Variants in RBM6 observed in about 807,000 individuals in gnomAD.
RBM6 encodes RNA binding motif protein 6.
A neutral mutation model predicts 140.4 loss-of-function variants in RBM6; 23 were observed. That is an observed-to-expected ratio of 0.16 (90% confidence interval 0.12 to 0.23). The LOEUF is 0.23. Ranked by LOEUF, RBM6 falls within the 10% of genes least tolerant of loss-of-function variation. The probability of loss-of-function intolerance (pLI) is 1.00; values close to 1 mark genes in which losing one functional copy is unlikely to be tolerated. For synonymous variants in RBM6, 439 were observed against 475.6 expected (o/e 0.92, Z 1.00); for missense variants, 1,139 against 1,386.7 (o/e 0.82, Z 2.84).
intron 5 of RBM6, among the ~76,000 whole-genome samples, chr3:49,993,413 G>A (rs533291497): frequency 3.3e-5 from 5 of 152,282 alleles, no homozygotes; most frequent in Admixed American, 2.0e-4. Context: ...AGGCCAAGGC[G>A]TGTGGATAAC....
chr3:49,998,328 A>T (rs1018802792), intron 5 of RBM6, among the ~76,000 whole-genome samples: 1 of 152,196 alleles, frequency 6.6e-6, no homozygotes. Flanking sequence ...CAAAATTATC[A>T]TAGGGTTTTG....
intron 16 of RBM6, among the ~76,000 whole-genome samples, chr3:50,065,806 G>T (rs1351768303): frequency 6.6e-6 from 1 of 152,184 alleles, no homozygotes; most frequent in Non-Finnish European, 1.5e-5. Context: ...TTACATGTGA[G>T]CTGGATCTGT....
intron 1 of RBM6, among the ~76,000 whole-genome samples, chr3:49,943,556 G>T (rs1314175048): frequency 6.6e-6 from 1 of 152,052 alleles, no homozygotes; most frequent in African/African-American, 2.4e-5. Flanking sequence ...TGATCCTCCT[G>T]TCTTGGCCTC....
intron 1 of RBM6, among the ~76,000 whole-genome samples, chr3:49,955,858 C>CTGTG (rs1410336522): frequency 8.1e-5 from 11 of 136,262 alleles, no homozygotes; most frequent in African/African-American, 2.2e-4. Flanking sequence ...CTCTCTCTCT[C>CTGTG]TCTGTGTGTG....
At chr3:49,988,151 A>C (rs1277639101) in intron 5 of RBM6, among the ~76,000 whole-genome samples, 2 of 151,994 alleles carry the variant, frequency 1.3e-5, no homozygotes. Context: ...CTGCTTTTTA[A>C]AAAAGTATTT....
chr3:49,975,417 C>G, intron 5 of RBM6, 25 bp downstream of exon 5: 1 of 1,576,326 alleles, frequency 6.3e-7, no homozygotes, highest in Non-Finnish European at 8.7e-7. Flanking sequence ...TTGCATATGG[C>G]CTTGGGTTAG....
Position 50,061,957 on chromosome 3 carries a change from C to T in RBM6, c.2440-5C>T, listed in dbSNP as rs370065492. ...TAGACTTACTTGTTTCCAACTGTAT[C>T]GCAGCAAGAAGTCTATGTGCCCCAG... On this transcript the variant is annotated splice_polypyrimidine_tract_variant and splice_region_variant and intron_variant, in intron 14 of 20. Coordinates refer to ENST00000266022, the MANE Select transcript of RBM6 (RefSeq NM_005777.3). 32 of 1,611,464 alleles carry T rather than the reference C, an allele frequency of 2.0e-5. No individual in the cohort carries two copies. The African/African-American group carries it at 3.2e-4, about 16-fold the overall frequency.
chr3:50,054,774 C>T (rs764418544), intron 8 of RBM6, among the ~76,000 whole-genome samples: 1 of 152,112 alleles, frequency 6.6e-6, no homozygotes, highest in Non-Finnish European at 1.5e-5. Context: ...CTTGGCCTCC[C>T]ATAGTGCTGG....
At chr3:49,986,140 C>T (rs1344045205) in intron 5 of RBM6, among the ~76,000 whole-genome samples, 2 of 151,712 alleles carry the variant, frequency 1.3e-5, no homozygotes, top group Non-Finnish European at 2.9e-5. Context: ...GCGCCTGCCA[C>T]CAAGCCTAAG....
intron 1 of RBM6, among the ~76,000 whole-genome samples, chr3:49,951,225 T>G (rs1559515490): frequency 6.6e-6 from 1 of 152,332 alleles, no homozygotes; most frequent in East Asian, 1.9e-4. Context: ...TGTTTGTTTG[T>G]TTTTTGAGAT....
chr3:50,065,188 A>G, intron 16 of RBM6, 62 bp downstream of exon 16: 2 of 1,330,498 alleles, frequency 1.5e-6, no homozygotes, highest in Non-Finnish European at 1.1e-6. Flanking sequence ...CGAGTAGAAG[A>G]GGAAGCGCAA....
At chr3:50,046,174 G>A (rs1006160317) in intron 6 of RBM6, among the ~76,000 whole-genome samples, 17 of 151,876 alleles carry the variant, frequency 1.1e-4, no homozygotes, top group African/African-American at 3.1e-4. Context: ...CCAGCTACTC[G>A]GGAGGCTGAG....
At chr3:50,070,377 C>G in intron 18 of RBM6, 78 bp from the exon 19 acceptor site, 2 of 999,976 alleles carry the variant, frequency 2.0e-6, no homozygotes, top group South Asian at 2.6e-5. Context: ...ATAATAATAA[C>G]AGCAATGGGG....
chr3:49,982,161 C>T (rs2085332164), intron 5 of RBM6, among the ~76,000 whole-genome samples: 1 of 151,380 alleles, frequency 6.6e-6, no homozygotes, highest in Non-Finnish European at 1.5e-5. Flanking sequence ...TGAGTATTTG[C>T]AATGACTAGG....
At chr3:50,006,373 T>C (rs1443484642) in intron 6 of RBM6, among the ~76,000 whole-genome samples, 1 of 151,940 alleles carries the variant, frequency 6.6e-6, no homozygotes, top group African/African-American at 2.4e-5. Context: ...TCACCTCAGG[T>C]GATCCGCCCG....
chr3:50,019,625 G>A (rs566597316), intron 6 of RBM6, among the ~76,000 whole-genome samples: 10 of 152,288 alleles, frequency 6.6e-5, no homozygotes, highest in Non-Finnish European at 1.3e-4. Flanking sequence ...AAAGTGCTGG[G>A]ATTACAGGTG....
intron 15 of RBM6, among the ~76,000 whole-genome samples, chr3:50,064,160 T>C (rs2090039803): frequency 6.6e-6 from 1 of 152,080 alleles, no homozygotes; most frequent in Non-Finnish European, 1.5e-5. Context: ...CTCGAACTCC[T>C]GACCTTGTGA....
intron 5 of RBM6, among the ~76,000 whole-genome samples, chr3:49,997,500 G>T (rs1208557630): frequency 6.6e-6 from 1 of 152,158 alleles, no homozygotes; most frequent in Admixed American, 6.6e-5. Flanking sequence ...GAAACTTAGG[G>T]CTTTGCCAGT....
intron 5 of RBM6, chr3:49,981,532 A>G (rs1333131110): frequency 6.6e-6 from 1 of 152,216 alleles, no homozygotes; most frequent in Non-Finnish European, 1.5e-5. Flanking sequence ...TGACTTAATA[A>G]TAAGCAAGTG....
Sources: gnomAD v4.1 joint callset for allele counts (sites outside exome capture counted in the v4.1 genomes callset) on GRCh38, gnomAD v4.1.1 for gene constraint, MANE v1.5 for transcripts, NCBI Gene and HGNC (gene_info 2026-07-23, HGNC 2026-07-21) for gene names.